Variants in PON2 observed in about 807,000 individuals in gnomAD.
The protein encoded by PON2 is paraoxonase 2.
A neutral mutation model predicts 36.6 loss-of-function variants in PON2; 27 were observed. The ratio of observed to expected loss-of-function variants is 0.74; its 90% CI spans 0.54 to 1.02. PON2 has a LOEUF of 1.02. PON2 is among the 50% of genes least tolerant of loss of function. The pLI is 0.00. For missense variants in PON2, 363 were observed against 421.1 expected (o/e 0.86, Z 1.21); for synonymous variants, 149 against 156.3 (o/e 0.95, Z 0.35).
chr7:95,433,339 A>T (rs1292426822), intron 1 of PON2, among the ~76,000 whole-genome samples: 1 of 152,036 alleles, frequency 6.6e-6, no homozygotes. Context: ...GGCTCAAGCA[A>T]TCTTCTGGCT....
chr7:95,412,614 G>C, intron 3 of PON2, 137 bp from the exon 4 acceptor site: 2 of 832,434 alleles, frequency 2.4e-6, no homozygotes. Context: ...AAAAAACAGA[G>C]AAAAGATAAC....
At chr7:95,412,636 T>C in intron 3 of PON2, 159 bp from the exon 4 acceptor site, 4 of 707,358 alleles carry the variant, frequency 5.7e-6, no homozygotes, top group Non-Finnish European at 7.2e-6. Flanking sequence ...GAAAAAATAA[T>C]AACGGGGAGG....
Position 95,410,854 on chromosome 7 carries a change from C to G in PON2, c.495-753G>C, listed in dbSNP as rs1436077938. Among the ~76,000 whole-genome samples the G allele has an allele frequency of 2.0e-5, 3 of 152,044 alleles. No individual in the cohort carries two copies. In the East Asian group the frequency reaches 5.8e-4, roughly 29 times the overall value. ...GGTAGGTCTCATTTTTCTGAAAGAG[C>G]ACCATAATGCTTGGATGGTATTTAT... On this transcript the variant is annotated intron_variant, in intron 5 of 8. Coordinates refer to ENST00000222572, the MANE Select transcript of PON2 (RefSeq NM_000305.3).
At chr7:95,418,753 T>C (rs1196485506) in intron 2 of PON2, among the ~76,000 whole-genome samples, 2 of 152,242 alleles carry the variant, frequency 1.3e-5, no homozygotes, top group Non-Finnish European at 1.5e-5. Context: ...ATGTGAAAAC[T>C]TAATACTGTG....
At position 95,409,901 on chromosome 7, in the gene PON2, T is replaced by A. The variant is rs1309836529; in HGVS notation, c.695A>T (p.Lys232Met). ...ANGINISPDD[K>M]YIYVADILAH... ...GAAGATATTCTATAAGGGGCCATAC[T>A]TATCATCAGGTGAAATATTGATCCC... is the stretch of plus-strand genomic sequence containing the variant. The change falls in exon 6 of 9, where the codon AAG becomes ATG. Residue 232 changes from lysine to methionine, a missense_variant and splice_region_variant. Coordinates refer to ENST00000222572, the MANE Select transcript of PON2 (RefSeq NM_000305.3). 1.2e-6 allele frequency: 2 copies of A among 1,612,222 alleles called. No individual in the cohort carries two copies. Among genetic ancestry groups the A allele is most frequent in the Admixed American group, 3.3e-5 (2 of 59,972 alleles).
chr7:95,409,871 A>T (rs1194418631), intron 6 of PON2, 30 bp downstream of exon 6: 3 of 1,604,162 alleles, frequency 1.9e-6, no homozygotes, highest in Non-Finnish European at 2.6e-6. Flanking sequence ...CAACTGAAGA[A>T]AAATGAAGAT....
In PON2 at chr7:95,411,782, A is replaced by G. The variant is rs75311467; in HGVS notation, c.368-3T>C. 1.2e-6 allele frequency: 2 copies of G among 1,613,234 alleles called. No homozygotes were observed. Among genetic ancestry groups the G allele is most frequent in the East Asian group, 2.2e-5 (1 of 44,858 alleles). ...AACAAAGAGATAAACTGTGTCATCT[A>G]AAGAATTGAAAGAACAGAGTTAATT... On this transcript the variant is annotated splice_region_variant and splice_polypyrimidine_tract_variant and intron_variant, in intron 4 of 8. Transcript: ENST00000222572.
chr7:95,418,693 GT>G (rs1393055976), intron 2 of PON2, among the ~76,000 whole-genome samples: 7 of 151,620 alleles, frequency 4.6e-5, no homozygotes, highest in African/African-American at 1.5e-4. Flanking sequence ...TTTTATTCTA[GT>G]GATATACATT....
chr7:95,434,863 G>T lies in PON2; in HGVS notation c.74+15C>A. ...TGGGGACCGCCGAGGAGGGGCGCGCGGGAGTCCCACCTACCTGAGTGCCAG... is the reference window on the plus strand; with the variant it reads ...TGGGGACCGCCGAGGAGGGGCGCGCTGGAGTCCCACCTACCTGAGTGCCAG... On this transcript the variant is annotated intron_variant, in intron 1 of 8. Coordinates refer to ENST00000222572, the MANE Select transcript of PON2 (RefSeq NM_000305.3). 6.5e-7 allele frequency: 1 copy of T among 1,538,414 alleles called. No homozygotes were observed. Among genetic ancestry groups the T allele is most frequent in the Non-Finnish European group, 8.7e-7 (1 of 1,144,564 alleles).
Position 95,405,101 on chromosome 7 carries a change from G to A in PON2, c.*229C>T, listed in dbSNP as rs895812375. ...TGTGCAAAATGTATTCACTTTATTC[G>A]AAAGCAGCTTTCTTTTCTGTCCCTT... On this transcript the variant is annotated 3_prime_UTR_variant, in exon 9 of 9. Transcript: ENST00000222572. 4 of 490,612 alleles carry A rather than the reference G, an allele frequency of 8.2e-6. No individual in the cohort carries two copies. Among genetic ancestry groups the A allele is most frequent in the East Asian group, 7.2e-5 (2 of 27,810 alleles). 30.4% of individuals were successfully genotyped at this position (490,612 alleles called of 1,614,324 possible).
intron 1 of PON2, among the ~76,000 whole-genome samples, chr7:95,434,655 C>G (rs1789520338): frequency 1.3e-5 from 2 of 152,184 alleles, no homozygotes; most frequent in African/African-American, 2.4e-5. Context: ...AAGAAAGTGT[C>G]GCGATTCACT....
chr7:95,411,056 C>CTAAT (rs1225677541), intron 5 of PON2, among the ~76,000 whole-genome samples: 1 of 152,052 alleles, frequency 6.6e-6, no homozygotes, highest in Non-Finnish European at 1.5e-5. Flanking sequence ...AAGCAGTAGG[C>CTAAT]TAATACACAC....
intron 3 of PON2, among the ~76,000 whole-genome samples, chr7:95,414,175 C>T (rs1184301149): frequency 6.6e-6 from 1 of 152,142 alleles, no homozygotes; most frequent in Non-Finnish European, 1.5e-5. Flanking sequence ...TCATCCAATT[C>T]TTCATGAAGT....
intron 1 of PON2, among the ~76,000 whole-genome samples, chr7:95,425,987 G>T (rs1268062554): frequency 1.3e-5 from 2 of 151,966 alleles, no homozygotes; most frequent in Admixed American, 6.6e-5. Context: ...ATTTAAGAGA[G>T]GAAAAATAAG....
chr7:95,421,690 G>C (rs1430033950), intron 2 of PON2, among the ~76,000 whole-genome samples: 6 of 152,176 alleles, frequency 3.9e-5, no homozygotes, highest in African/African-American at 2.4e-5. Flanking sequence ...AACCAGTCTA[G>C]GGGAGGGGAG....
chr7:95,418,136 G>A (rs1230855997), intron 2 of PON2: 1 of 152,126 alleles, frequency 6.6e-6, no homozygotes, highest in Non-Finnish European at 1.5e-5. Context: ...ACTACTGCAG[G>A]AAGGTTTTAT....
intron 6 of PON2, among the ~76,000 whole-genome samples, chr7:95,407,559 T>C (rs1809733570): frequency 2.0e-5 from 3 of 152,166 alleles, no homozygotes; most frequent in African/African-American, 7.2e-5. Flanking sequence ...GAATAATCTG[T>C]CTACTTCAAA....
chr7:95,411,502 C>T, intron 5 of PON2, 151 bp downstream of exon 5: 1 of 1,002,036 alleles, frequency 1.0e-6, no homozygotes, highest in African/African-American at 1.6e-5. Flanking sequence ...TATACACACA[C>T]ATTTATAAAT....
intron 5 of PON2, 25 bp downstream of exon 5, chr7:95,411,628 G>C (rs752496176): frequency 5.3e-5 from 85 of 1,613,440 alleles, no homozygotes; most frequent in Admixed American, 2.7e-4. Flanking sequence ...GGATAAATTA[G>C]AGAAGGAACA....
Sources: gnomAD v4.1 joint callset for allele counts (sites outside exome capture counted in the v4.1 genomes callset) on GRCh38, gnomAD v4.1.1 for gene constraint, MANE v1.5 for transcripts, NCBI Gene and HGNC (gene_info 2026-07-23, HGNC 2026-07-21) for gene names.